The following HNRNPL variants were observed in gnomAD, a reference collection of about 807,000 sequenced individuals.
The protein encoded by HNRNPL is heterogeneous nuclear ribonucleoprotein L.
A neutral mutation model predicts 64.0 loss-of-function variants in HNRNPL; 12 were observed. That is an observed-to-expected ratio of 0.19 (90% CI 0.12 to 0.30). The LOEUF (loss-of-function observed/expected upper bound fraction) is 0.30, where lower values mean the gene tolerates loss of function less well. HNRNPL is among the 10% of genes least tolerant of loss of function. The pLI, the probability that HNRNPL is intolerant of heterozygous loss-of-function variation, is 1.00. For missense variants in HNRNPL, 484 were observed against 797.4 expected, an observed-to-expected ratio of 0.61 and a Z score of 4.73; for synonymous variants, 385 against 313.0, an observed-to-expected ratio of 1.23 and a Z score of -2.43.
upstream of HNRNPL, chr19:38,850,370 T>G: frequency 5.5e-6 from 1 of 182,662 alleles, no homozygotes; most frequent in Non-Finnish European, 1.1e-5. Flanking sequence ...ATGACGACCT[T>G]CCCGCGCCAC....
chr19:38,848,203 G>C (rs1972366670), intron 1 of HNRNPL, among the ~76,000 whole-genome samples: 1 of 152,138 alleles, frequency 6.6e-6, no homozygotes, highest in Non-Finnish European at 1.5e-5. Flanking sequence ...CGATTCTCCT[G>C]CCTCAGCCTC....
At position 38,839,018 on chromosome 19, in the gene HNRNPL, T is replaced by C. The variant is rs922941829; in HGVS notation, c.1234-3A>G. On this transcript the variant is annotated splice_polypyrimidine_tract_variant and splice_region_variant and intron_variant, in intron 8 of 12. Coordinates refer to ENST00000221419, the MANE Select transcript of HNRNPL (RefSeq NM_001533.3). ...GGCTTGCTTTTCATGAATTTCACCT[T>C]GGGGAGAGTAGCTGCAGTCAGCACC... The C allele has an allele frequency of 2.5e-6, 4 of 1,613,936 alleles. No homozygotes were observed. Among genetic ancestry groups the C allele is most frequent in the Non-Finnish European group, 3.4e-6 (4 of 1,179,966 alleles).
At chr19:38,841,895 G>A (rs1326360969) in intron 6 of HNRNPL, 1 of 363,030 alleles carries the variant, frequency 2.8e-6, no homozygotes, top group African/African-American at 2.1e-5. Context: ...ATGTGCTGCA[G>A]TGCGGTGGTG....
intron 6 of HNRNPL, chr19:38,843,268 A>G (rs1330308316): frequency 3.9e-5 from 6 of 154,306 alleles, no homozygotes; most frequent in Admixed American, 3.8e-4. Flanking sequence ...AGACACTAGG[A>G]AGGGAGTTGT....
At chr19:38,850,121 G>A (rs1045503692), upstream of HNRNPL, 3 of 560,046 alleles carry the variant, frequency 5.4e-6, no homozygotes, top group East Asian at 7.0e-5. Context: ...TGCCCACGCC[G>A]TTCTGCAGGA....
intron 6 of HNRNPL, chr19:38,842,405 T>C (rs1354383491): frequency 6.6e-6 from 1 of 152,192 alleles, no homozygotes; most frequent in African/African-American, 2.4e-5. Context: ...GGGTTCAAGT[T>C]TGCTTGGATT....
chr19:38,840,431 G>GGCGGGCA, intron 7 of HNRNPL, 55 bp from the exon 8 acceptor site: 1 of 1,552,350 alleles, frequency 6.4e-7, no homozygotes, highest in Non-Finnish European at 8.7e-7. Context: ...CACGGCGGGC[G>GGCGGGCA]GCGGGCAGGG....
rs1209595004 is a variant in HNRNPL, at chr19:38,849,910, C to T, written c.57G>A (p.Arg19=). 1 of 1,288,554 alleles carries T rather than the reference C, an allele frequency of 7.8e-7. No individual in the cohort carries two copies. Among genetic ancestry groups the T allele is most frequent in the Non-Finnish European group, 1.1e-6 (1 of 930,132 alleles). 79.8% of individuals were successfully genotyped at this position (1,288,554 alleles called of 1,614,324 possible). The change falls in exon 1 of 13, where the codon AGG becomes AGA. Residue 19 remains arginine, a synonymous_variant. Coordinates refer to ENST00000221419, the MANE Select transcript of HNRNPL (RefSeq NM_001533.3). ...GCCTCCGCTGCTCGTCCGGCTGCTG[C>T]CTCTGCTCCAGCCGCCGACGCCGCT... The part of the protein sequence containing the change: ...AEKRRRRLEQ[R]QQPDEQRRRS...
intron 6 of HNRNPL, among the ~76,000 whole-genome samples, chr19:38,842,823 C>T (rs1041626243): frequency 2.0e-5 from 3 of 152,156 alleles, no homozygotes; most frequent in Admixed American, 1.3e-4. Flanking sequence ...GCCACTAGCC[C>T]CTGCCGGTCT....
intron 4 of HNRNPL, chr19:38,844,796 C>G (rs1375475401): frequency 2.6e-5 from 4 of 151,362 alleles, no homozygotes; most frequent in Admixed American, 1.3e-4. Context: ...ACTGCAATCT[C>G]CGCCTCCCAG....
Position 38,840,380 on chromosome 19 carries a change from G to T in HNRNPL, c.953-4C>A. The T allele has an allele frequency of 6.4e-7, 1 of 1,558,348 alleles. No individual in the cohort carries two copies. Among genetic ancestry groups the T allele is most frequent in the South Asian group, 1.2e-5 (1 of 83,300 alleles). ...TGGTACCCACCGTGGGGCCCTCCTG[G>T]GGGGTGGGAAGGAAAGAGAGGGAGG... On this transcript the variant is annotated splice_polypyrimidine_tract_variant and splice_region_variant and intron_variant, in intron 7 of 12. Coordinates refer to ENST00000221419, the MANE Select transcript of HNRNPL (RefSeq NM_001533.3).
rs146640782 is a variant in HNRNPL at position 38,846,634 on chromosome 19, C to A, written c.387-544G>T. On this transcript the variant is annotated intron_variant, in intron 2 of 12. Transcript: ENST00000221419. The stretch of plus-strand genomic sequence containing the variant: ...AGAACAATATAAAAATTAGGCCGGG[C>A]GCAGTGGCTCACGCCTGTAATCCTA... 2.0e-5 allele frequency among the ~76,000 whole-genome samples: 3 copies of A among 152,194 alleles called. No homozygotes were observed. The East Asian group carries it at 5.8e-4, about 29-fold the overall frequency.
chr19:38,836,811 C>A lies in HNRNPL; in HGVS notation c.1712-31G>T, dbSNP rs752034730. 2.3e-5 allele frequency: 37 copies of A among 1,577,834 alleles called. No individual in the cohort carries two copies. The East Asian group carries it at 8.3e-4, about 35-fold the overall frequency. ...AAGGAGAGACAAGTTTGGTTGGTTC[C>A]CGTCTTTGGAGGCTCCCCAAACCCA... On this transcript the variant is annotated intron_variant, in intron 12 of 12. Coordinates refer to ENST00000221419, the MANE Select transcript of HNRNPL (RefSeq NM_001533.3).
rs541511779 is a variant in HNRNPL, at chr19:38,839,318, A to G, written c.1234-303T>C. On this transcript the variant is annotated intron_variant, in intron 8 of 12. Coordinates refer to ENST00000221419, the MANE Select transcript of HNRNPL (RefSeq NM_001533.3). Reference sequence around the variant, plus strand: ...ATTTTCACCATTTTGTCTGTTACACACAGACGTGTGTGATCTATGGATGGC... The same window carrying G: ...ATTTTCACCATTTTGTCTGTTACACGCAGACGTGTGTGATCTATGGATGGC... 3.5e-5 allele frequency: 13 copies of G among 367,472 alleles called. No homozygotes were observed. The East Asian group carries it at 8.0e-4, about 23-fold the overall frequency. The allele number at this position is 367,472 out of a possible 1,614,324, so 22.8% of individuals were successfully genotyped here. A position where few individuals can be genotyped will look rare whatever the true frequency, so the allele number is the denominator to read the frequency against.
intron 12 of HNRNPL, chr19:38,837,097 T>C (rs1357248807): frequency 1.8e-6 from 1 of 550,096 alleles, no homozygotes; most frequent in African/African-American, 1.9e-5. Context: ...CAGAGTGGCT[T>C]TCCTACCTAA....
At chr19:38,850,144 G>T (rs1346040879), upstream of HNRNPL, 8 of 500,150 alleles carry the variant, frequency 1.6e-5, 1 homozygote, top group South Asian at 1.9e-4. Flanking sequence ...GCCCGCCCTT[G>T]TTTGTCTGAG....
In HNRNPL at chr19:38,849,940, C is replaced by A; in HGVS notation, c.27G>T (p.Ala9=). Residue 9 remains alanine (A), a synonymous_variant, in exon 1 of 13, where the codon GCG becomes GCT. Coordinates refer to ENST00000221419, the MANE Select transcript of HNRNPL (RefSeq NM_001533.3). ...GCTCCAGCCGCCGACGCCGCTTCTC[C>A]GCCCGGGGCAGCAGCCTCCGCGACA... is the stretch of plus-strand genomic sequence containing the variant. MSRRLLPR[A]EKRRRRLEQR... 9 of 1,371,418 alleles carry A rather than the reference C, an allele frequency of 6.6e-6. No homozygotes were observed. The highest frequency in any genetic ancestry group is 8.6e-6 in the Non-Finnish European group (9 of 1,044,196). The allele number at this position is 1,371,418 out of a possible 1,614,324, so 85.0% of individuals were successfully genotyped here.
At chr19:38,839,079 C>T (rs1415123414) in intron 8 of HNRNPL, 64 bp from the exon 9 acceptor site, 2 of 1,597,564 alleles carry the variant, frequency 1.3e-6, no homozygotes, top group Non-Finnish European at 1.7e-6. Flanking sequence ...TCCTGCCCCT[C>T]CCAAGTTAGT....
At chr19:38,846,830 C>T (rs1035714486) in intron 2 of HNRNPL, among the ~76,000 whole-genome samples, 1 of 152,176 alleles carries the variant, frequency 6.6e-6, no homozygotes, top group South Asian at 2.1e-4. Flanking sequence ...ATGGCGTGAA[C>T]CCACGAGACA....
Sources: allele counts gnomAD v4.1 joint callset (sites outside exome capture counted in the v4.1 genomes callset), GRCh38; gene constraint gnomAD v4.1.1; transcripts MANE v1.5; gene names NCBI Gene and HGNC (gene_info 2026-07-23, HGNC 2026-07-21).